The following DDAH1 variants were observed in gnomAD, a reference collection of about 807,000 sequenced individuals.
DDAH1 encodes dimethylarginine dimethylaminohydrolase 1.
DDAH1 carries 19 observed loss-of-function variants against 28.8 expected under a neutral mutation model. That is an observed-to-expected ratio of 0.66 (90% CI 0.46 to 0.97). The LOEUF is 0.97. Among genes scored for constraint, DDAH1 ranks in the 50% least tolerant of loss-of-function variants. The pLI, the probability that DDAH1 is intolerant of heterozygous loss-of-function variation, is 0.00. For missense variants in DDAH1, 326 were observed against 375.9 expected (o/e 0.87, Z 1.10); for synonymous variants, 153 against 154.4 (o/e 0.99, Z 0.07).
At chr1:85,386,448 A>G (rs1225536386) in intron 1 of DDAH1, among the ~76,000 whole-genome samples, 1 of 152,250 alleles carries the variant, frequency 6.6e-6, no homozygotes, top group Non-Finnish European at 1.5e-5. Flanking sequence ...TAAACCTTAA[A>G]GCTCCAAACA....
intron 1 of DDAH1, among the ~76,000 whole-genome samples, chr1:85,421,041 G>A (rs761973662): frequency 1.3e-5 from 2 of 152,098 alleles, no homozygotes; most frequent in Non-Finnish European, 2.9e-5. Flanking sequence ...AAGAGAGGGA[G>A]GGGGAGGTGC....
rs1177435555 is a variant in DDAH1, at chr1:85,574,885, C to CTA, written c.-123+3098_-123+3099insTA. 3.4e-3 allele frequency among the ~76,000 whole-genome samples: 520 copies of CTA among 151,730 alleles called. 1 individual carries two copies. The highest frequency in any genetic ancestry group is 0.023 in the East Asian group (120 of 5,118). On this transcript the variant is annotated intron_variant, in intron 1 of 6. Transcript: ENST00000426972. ...ACATGGTGAAAACCCATCTCTCTCT[C>CTA]TCTCTCTATATATATATATATGTAA... is the stretch of plus-strand genomic sequence containing the variant.
intron 1 of DDAH1, among the ~76,000 whole-genome samples, chr1:85,561,434 C>T (rs1376625811): frequency 6.6e-6 from 1 of 151,884 alleles, no homozygotes; most frequent in Non-Finnish European, 1.5e-5. Flanking sequence ...AAAGTAATTG[C>T]ACCAACCTAA....
intron 2 of DDAH1, among the ~76,000 whole-genome samples, chr1:85,475,408 C>T (rs1036600059): frequency 2.0e-5 from 3 of 152,180 alleles, no homozygotes; most frequent in Admixed American, 1.3e-4. Flanking sequence ...ACTCCCTTTC[C>T]TCTTTCCTAT....
chr1:85,544,809 G>A (rs796726495), intron 1 of DDAH1, among the ~76,000 whole-genome samples: 2 of 152,234 alleles, frequency 1.3e-5, no homozygotes, highest in African/African-American at 4.8e-5. Context: ...TATTTACACA[G>A]CTGATGGAAG....
At chr1:85,575,794 G>A (rs1659585283) in intron 1 of DDAH1, 1 of 152,124 alleles carries the variant, frequency 6.6e-6, no homozygotes, top group Admixed American at 6.5e-5. Context: ...ATCCAGTTTC[G>A]CTGCTGGCTA....
At position 85,401,247 on chromosome 1, in the gene DDAH1, T is replaced by A. The variant is rs181542074; in HGVS notation, c.304-42400A>T. Among the ~76,000 whole-genome samples the A allele has an allele frequency of 2.4e-4, 37 of 152,330 alleles. No individual in the cohort carries two copies. In the East Asian group the frequency reaches 5.6e-3, roughly 23 times the overall value. On this transcript the variant is annotated intron_variant, in intron 1 of 5. Coordinates refer to ENST00000284031, the MANE Select transcript of DDAH1 (RefSeq NM_012137.4). ...TTTCCAACAGGTTACAGTCCTAAAATGAAGAGGGCCTACTATGAAAACATT... is the reference window on the plus strand; with the variant it reads ...TTTCCAACAGGTTACAGTCCTAAAAAGAAGAGGGCCTACTATGAAAACATT...
chr1:85,392,603 G>T (rs1476150203), intron 1 of DDAH1, among the ~76,000 whole-genome samples: 1 of 151,802 alleles, frequency 6.6e-6, no homozygotes, highest in Non-Finnish European at 1.5e-5. Context: ...GACCAGTCTG[G>T]CCAACATAGT....
rs1228998123 is a variant in DDAH1 at position 85,500,109 on chromosome 1, TTTTCTTTTCTTTC to T, written c.-122-3841_-122-3829del. On this transcript the variant is annotated intron_variant, in intron 1 of 6. Transcript: ENST00000426972. ...TCCTTCCTTCCCTCCTTCCTCTTTC[TTTTCTTTTCTTTC>T]TTTCTTTCTTTCTTTCTTTCTTTCT... Among the ~76,000 whole-genome samples the T allele has an allele frequency of 2.2e-3, 206 of 93,078 alleles. 1 individual carries two copies. The highest frequency in any genetic ancestry group is 3.0e-3 in the Non-Finnish European group (145 of 48,936). 61.1% of individuals were successfully genotyped at this position (93,078 alleles called of 152,430 possible). A position where few individuals can be genotyped will look rare whatever the true frequency, so the allele number is the denominator to read the frequency against.
chr1:85,507,369 G>A (rs972872622), intron 1 of DDAH1, among the ~76,000 whole-genome samples: 7 of 152,122 alleles, frequency 4.6e-5, no homozygotes, highest in Non-Finnish European at 7.3e-5. Flanking sequence ...CAGGTGTGCT[G>A]ACATGCAGCT....
In DDAH1 at chr1:85,441,341, G is replaced by T. The variant is rs536741210; in HGVS notation, c.303+23402C>A. The stretch of plus-strand genomic sequence containing the variant: ...GCAGGTCACGAGGTCAGGAGGTCGA[G>T]ACCATCCTGGCTAACATGGTGAAAC... On this transcript the variant is annotated intron_variant, in intron 1 of 5. Coordinates refer to ENST00000284031, the MANE Select transcript of DDAH1 (RefSeq NM_012137.4). 1.3e-3 allele frequency among the ~76,000 whole-genome samples: 196 copies of T among 152,250 alleles called. 1 individual carries two copies. The highest frequency in any genetic ancestry group is 4.5e-3 in the African/African-American group (187 of 41,544).
At chr1:85,481,340 C>T (rs1045980881) in intron 2 of DDAH1, among the ~76,000 whole-genome samples, 10 of 152,106 alleles carry the variant, frequency 6.6e-5, no homozygotes, top group Admixed American at 3.3e-4. Flanking sequence ...TCAGGTGATC[C>T]GCCTGCCTCA....
intron 4 of DDAH1, among the ~76,000 whole-genome samples, chr1:85,349,112 C>G (rs1649042053): frequency 1.3e-5 from 2 of 152,128 alleles, no homozygotes; most frequent in Admixed American, 1.3e-4. Context: ...TTCAAGACAC[C>G]AGCTTTTTTT....
chr1:85,566,475 G>A (rs1465805384), intron 1 of DDAH1, among the ~76,000 whole-genome samples: 2 of 142,330 alleles, frequency 1.4e-5, no homozygotes, highest in African/African-American at 2.7e-5. Flanking sequence ...CTGGGTGACA[G>A]AGCGAGACCC....
intron 1 of DDAH1, among the ~76,000 whole-genome samples, chr1:85,555,368 A>G (rs1658930799): frequency 6.6e-6 from 1 of 152,198 alleles, no homozygotes; most frequent in Non-Finnish European, 1.5e-5. Flanking sequence ...CTATTGAGTA[A>G]ATTGTCCTTA....
chr1:85,523,927 G>C (rs542156341), intron 1 of DDAH1, among the ~76,000 whole-genome samples: 2 of 152,154 alleles, frequency 1.3e-5, no homozygotes, highest in African/African-American at 4.8e-5. Context: ...AAAAGAGTTA[G>C]CAATCGAATT....
At chr1:85,406,868 C>G (rs992654636) in intron 1 of DDAH1, among the ~76,000 whole-genome samples, 1 of 151,942 alleles carries the variant, frequency 6.6e-6, no homozygotes. Flanking sequence ...TATATTAAAG[C>G]TTTAAAATAA....
intron 1 of DDAH1, among the ~76,000 whole-genome samples, chr1:85,562,958 A>C (rs1396774268): frequency 6.6e-6 from 1 of 152,226 alleles, no homozygotes; most frequent in East Asian, 1.9e-4. Context: ...ACAAATAATA[A>C]AACTGGACAA....
At chr1:85,325,134 G>A (rs934325599) in intron 4 of DDAH1, among the ~76,000 whole-genome samples, 3 of 151,764 alleles carry the variant, frequency 2.0e-5, no homozygotes, top group African/African-American at 4.8e-5. Context: ...TTCTTTTAAG[G>A]TTTTAAAACC....
Sources: gnomAD v4.1 joint callset for allele counts (sites outside exome capture counted in the v4.1 genomes callset) on GRCh38, gnomAD v4.1.1 for gene constraint, MANE v1.5 for transcripts, NCBI Gene and HGNC (gene_info 2026-07-23, HGNC 2026-07-21) for gene names.